ADAMTSL3: variants seen among roughly 807,000 people sequenced by gnomAD.
ADAMTSL3 encodes ADAMTS-like protein 3.
ADAMTSL3 carries 128 observed loss-of-function variants against 201.7 expected under a neutral mutation model. The ratio of observed to expected loss-of-function variants is 0.63; its 90% CI spans 0.55 to 0.73. The LOEUF (loss-of-function observed/expected upper bound fraction) is 0.73. Ranked by LOEUF, ADAMTSL3 falls within the 30% of genes least tolerant of loss-of-function variation. ADAMTSL3 has a pLI of 0.00. For synonymous variants in ADAMTSL3, 738 were observed against 748.4 expected (o/e 0.99, Z 0.23); for missense variants, 1,990 against 2,119.6 (o/e 0.94, Z 1.20).
At chr15:83,872,205 A>G (rs2065093599) in intron 9 of ADAMTSL3, among the ~76,000 whole-genome samples, 1 of 152,108 alleles carries the variant, frequency 6.6e-6, no homozygotes, top group African/African-American at 2.4e-5. Flanking sequence ...CTTCTCTGTA[A>G]AAATGGGAAG....
At chr15:83,747,605 A>G (rs1167815669) in intron 3 of ADAMTSL3, among the ~76,000 whole-genome samples, 19 of 152,206 alleles carry the variant, frequency 1.2e-4, no homozygotes, top group Admixed American at 1.1e-3. Context: ...GTTCCCCTGG[A>G]GGACGAGAGG....
chr15:83,744,739 C>T lies in ADAMTSL3; in HGVS notation c.190-28784C>T, dbSNP rs182479748. Among the ~76,000 whole-genome samples, 859 of 152,308 alleles carry T rather than the reference C, an allele frequency of 5.6e-3. 9 individuals are homozygous for T. Among genetic ancestry groups the T allele is most frequent in the Non-Finnish European group, 6.2e-3 (422 of 68,026 alleles). On this transcript the variant is annotated intron_variant, in intron 3 of 29. Coordinates refer to ENST00000286744, the MANE Select transcript of ADAMTSL3 (RefSeq NM_207517.3). ...AATTTTGTATCCTTTGGCCAAATCT[C>T]CCTACTACCCTCCCCACAAATGAGC...
At chr15:83,943,186 T>C in intron 19 of ADAMTSL3, 104 bp downstream of exon 19, 2 of 1,344,426 alleles carry the variant, frequency 1.5e-6, no homozygotes, top group South Asian at 1.5e-5. Flanking sequence ...GTGAGATGAG[T>C]ATGGGTCCTA....
chr15:83,747,323 C>T (rs1047532364), intron 3 of ADAMTSL3, among the ~76,000 whole-genome samples: 2 of 152,250 alleles, frequency 1.3e-5, no homozygotes, highest in Non-Finnish European at 2.9e-5. Flanking sequence ...TCTTTCCTCA[C>T]TTGGGAAGAG....
At chr15:83,951,653 A>G (rs1376618341) in intron 19 of ADAMTSL3, among the ~76,000 whole-genome samples, 1 of 152,042 alleles carries the variant, frequency 6.6e-6, no homozygotes. Context: ...GCTTTTCTTT[A>G]CTGGGAGACA....
intron 3 of ADAMTSL3, among the ~76,000 whole-genome samples, chr15:83,719,795 C>T (rs1307214313): frequency 6.6e-6 from 1 of 152,200 alleles, no homozygotes; most frequent in Admixed American, 6.5e-5. Flanking sequence ...TGAAACTCAA[C>T]TTTGCTGTGA....
chr15:83,903,313 A>G (rs1406594303), intron 15 of ADAMTSL3, among the ~76,000 whole-genome samples: 1 of 150,686 alleles, frequency 6.6e-6, no homozygotes, highest in African/African-American at 2.5e-5. Flanking sequence ...TTGAAAGTGT[A>G]CAGTTCAGTG....
In ADAMTSL3 at chr15:83,897,995, T is replaced by C. The variant is rs2065651225; in HGVS notation, c.1605T>C (p.Tyr535=). 3 of 1,613,386 alleles carry C rather than the reference T, an allele frequency of 1.9e-6. No homozygotes were observed. Among genetic ancestry groups the C allele is most frequent in the Non-Finnish European group, 2.5e-6 (3 of 1,179,604 alleles). ...KEECVIPIPC[Y]KPKEKSPVEA... ...AATGTGTCATTCCCATCCCGTGTTA[T>C]AAACCAAAAGGTAAGTCTGTGGTGC... The change falls in exon 14 of 30, where the codon TAT becomes TAC. Residue 535 remains tyrosine, a synonymous_variant. Coordinates refer to ENST00000286744, the MANE Select transcript of ADAMTSL3 (RefSeq NM_207517.3).
chr15:83,814,847 T>C (rs1188527892), intron 5 of ADAMTSL3, among the ~76,000 whole-genome samples: 1 of 152,218 alleles, frequency 6.6e-6, no homozygotes, highest in Non-Finnish European at 1.5e-5. Flanking sequence ...AGTCCTATTA[T>C]ATAAATAATC....
chr15:83,870,718 C>A, intron 8 of ADAMTSL3, 84 bp from the exon 9 acceptor site: 2 of 1,146,326 alleles, frequency 1.7e-6, no homozygotes, highest in Non-Finnish European at 2.4e-6. Context: ...ATATCATATA[C>A]TGACATTGTA....
At chr15:84,007,438 C>A (rs955123847) in intron 23 of ADAMTSL3, among the ~76,000 whole-genome samples, 1 of 152,140 alleles carries the variant, frequency 6.6e-6, no homozygotes, top group Non-Finnish European at 1.5e-5. Flanking sequence ...ACCTATAGTT[C>A]CAGCTATTCA....
chr15:83,748,034 TAAAG>T (rs1267095458), intron 3 of ADAMTSL3, among the ~76,000 whole-genome samples: 2 of 151,878 alleles, frequency 1.3e-5, no homozygotes, highest in African/African-American at 2.4e-5. Context: ...TCATTCCCCT[TAAAG>T]AAAACATTTC....
At chr15:83,930,005 C>T (rs190941268) in intron 17 of ADAMTSL3, among the ~76,000 whole-genome samples, 1 of 152,228 alleles carries the variant, frequency 6.6e-6, no homozygotes, top group East Asian at 1.9e-4. Context: ...TGAAGTTCAA[C>T]AGAATGTGAG....
intron 9 of ADAMTSL3, among the ~76,000 whole-genome samples, chr15:83,871,979 G>C: frequency 6.6e-6 from 1 of 152,198 alleles, no homozygotes; most frequent in East Asian, 1.9e-4. Flanking sequence ...TGAGACATCA[G>C]TTGTGTCAGC....
intron 17 of ADAMTSL3, among the ~76,000 whole-genome samples, chr15:83,938,438 A>T (rs2066498563): frequency 6.6e-6 from 1 of 152,214 alleles, no homozygotes; most frequent in South Asian, 2.1e-4. Flanking sequence ...AAACGCCTAG[A>T]ACTAGGCTAG....
At chr15:83,699,693 C>G (rs2061741303) in intron 2 of ADAMTSL3, among the ~76,000 whole-genome samples, 1 of 152,184 alleles carries the variant, frequency 6.6e-6, no homozygotes, top group Non-Finnish European at 1.5e-5. Context: ...TGTTACTTGT[C>G]CGCACTGAAT....
intron 3 of ADAMTSL3, among the ~76,000 whole-genome samples, chr15:83,748,649 CAAAAAAA>C (rs71156097): frequency 6.1e-4 from 43 of 70,506 alleles, no homozygotes; most frequent in African/African-American, 2.5e-3. Context: ...GACCCTGTCT[CAAAAAAA>C]AAAAAAAAAA....
At chr15:83,894,505 C>T (rs1041981836) in intron 13 of ADAMTSL3, among the ~76,000 whole-genome samples, 3 of 152,118 alleles carry the variant, frequency 2.0e-5, no homozygotes, top group Admixed American at 6.6e-5. Context: ...AATTTAAATG[C>T]CATGATAATT....
chr15:83,830,620 A>G (rs191686508), intron 6 of ADAMTSL3, among the ~76,000 whole-genome samples: 1 of 152,338 alleles, frequency 6.6e-6, no homozygotes, highest in East Asian at 1.9e-4. Flanking sequence ...AGGATGCATT[A>G]GTTTCCTGTG....
Sources: allele counts gnomAD v4.1 joint callset (sites outside exome capture counted in the v4.1 genomes callset), GRCh38; gene constraint gnomAD v4.1.1; transcripts MANE v1.5; gene names NCBI Gene and HGNC (gene_info 2026-07-23, HGNC 2026-07-21).